The following TNS3 variants were observed in gnomAD, a reference collection of about 807,000 sequenced individuals.
TNS3 encodes tensin 3, also known as tensin-3.
Under a neutral mutation model 140.9 loss-of-function variants are expected in TNS3, and 45 were observed. The observed-to-expected ratio is 0.32, with a 90% CI of 0.25 to 0.41. The LOEUF (loss-of-function observed/expected upper bound fraction) is 0.41, where lower values mean the gene tolerates loss of function less well. Ranked by LOEUF, TNS3 falls within the 10% of genes least tolerant of loss-of-function variation. The pLI is 1.00. For missense variants in TNS3, 1,716 were observed against 1,906.7 expected, an observed-to-expected ratio of 0.90 and a Z score of 1.86; for synonymous variants, 815 against 788.4, an observed-to-expected ratio of 1.03 and a Z score of -0.56.
chr7:47,510,655 C>G (rs778957939), intron 2 of TNS3, among the ~76,000 whole-genome samples: 1 of 152,076 alleles, frequency 6.6e-6, no homozygotes, highest in African/African-American at 2.4e-5. Flanking sequence ...GGGCAGATCA[C>G]TTGAGGTCAG....
At chr7:47,555,929 A>C (rs189155629) in intron 1 of TNS3, among the ~76,000 whole-genome samples, 56 of 152,348 alleles carry the variant, frequency 3.7e-4, no homozygotes, top group African/African-American at 1.3e-3. Context: ...GTATCTCCAA[A>C]GTAAGCCTGC....
At chr7:47,342,112 G>C (rs1233118089) in intron 20 of TNS3, among the ~76,000 whole-genome samples, 1 of 152,102 alleles carries the variant, frequency 6.6e-6, no homozygotes, top group Non-Finnish European at 1.5e-5. Flanking sequence ...TCTGAAGATT[G>C]TTTCCTGGCC....
intron 4 of TNS3, chr7:47,470,582 C>T: frequency 2.0e-6 from 2 of 985,426 alleles, no homozygotes; most frequent in Non-Finnish European, 2.4e-6. Context: ...CCAGCCCTGA[C>T]CTGGCCCACC....
At chr7:47,417,707 AT>A (rs1010480459) in intron 10 of TNS3, among the ~76,000 whole-genome samples, 6 of 152,026 alleles carry the variant, frequency 3.9e-5, no homozygotes, top group African/African-American at 7.2e-5. Flanking sequence ...GGTAAATGTA[AT>A]TTTTTTTCTT....
chr7:47,478,413 C>CAT (rs1458053753), intron 4 of TNS3, among the ~76,000 whole-genome samples: 1 of 4,784 alleles, frequency 2.1e-4, no homozygotes, highest in East Asian at 0.5. Context: ...CAGGGAAATA[C>CAT]ACACACACAC....
intron 1 of TNS3, among the ~76,000 whole-genome samples, chr7:47,572,216 G>A (rs1472971041): frequency 1.3e-5 from 2 of 152,220 alleles, no homozygotes; most frequent in East Asian, 3.8e-4. Context: ...TTGGAGTAAG[G>A]CCATCCCTCC....
chr7:47,471,765 C>CT (rs1227076005), intron 4 of TNS3, among the ~76,000 whole-genome samples: 1 of 152,206 alleles, frequency 6.6e-6, no homozygotes, highest in Non-Finnish European at 1.5e-5. Context: ...CACTGGGTAC[C>CT]AGCTCCTCGC....
chr7:47,524,779 G>A (rs1024265757), intron 2 of TNS3, among the ~76,000 whole-genome samples: 207 of 131,814 alleles, frequency 1.6e-3, no homozygotes, highest in African/African-American at 4.9e-3. Flanking sequence ...TCCGCAGTCC[G>A]GCCTGGGCGA....
intron 17 of TNS3, among the ~76,000 whole-genome samples, chr7:47,352,328 TCA>T (rs747466113): frequency 5.9e-5 from 9 of 152,012 alleles, no homozygotes; most frequent in African/African-American, 1.5e-4. Context: ...TCTTGTACAC[TCA>T]CAGACAGCCT....
chr7:47,420,268 A>G (rs1794304134), intron 10 of TNS3, among the ~76,000 whole-genome samples: 1 of 152,176 alleles, frequency 6.6e-6, no homozygotes, highest in Non-Finnish European at 1.5e-5. Context: ...CGCACGCACT[A>G]GGAGAATGTG....
intron 5 of TNS3, among the ~76,000 whole-genome samples, chr7:47,440,825 CT>C (rs1399668224): frequency 6.6e-6 from 1 of 152,196 alleles, no homozygotes; most frequent in Non-Finnish European, 1.5e-5. Flanking sequence ...CTGCCACCAG[CT>C]TTGGGGTTTT....
intron 4 of TNS3, chr7:47,453,230 C>A: frequency 1.0e-6 from 1 of 985,384 alleles, no homozygotes; most frequent in Non-Finnish European, 1.2e-6. Context: ...GAGGGCCAGC[C>A]TGCCGAGGGC....
At chr7:47,486,562 T>C (rs950699394) in intron 3 of TNS3, among the ~76,000 whole-genome samples, 1 of 152,148 alleles carries the variant, frequency 6.6e-6, no homozygotes, top group African/African-American at 2.4e-5. Context: ...TTACCCCCAG[T>C]GCTAACAGAC....
chr7:47,557,471 C>T (rs761615345), intron 1 of TNS3, among the ~76,000 whole-genome samples: 14 of 152,034 alleles, frequency 9.2e-5, no homozygotes, highest in African/African-American at 2.7e-4. Context: ...CAATGTGGAA[C>T]GAAAAAAATG....
chr7:47,551,633 G>A (rs1800065614), intron 1 of TNS3, among the ~76,000 whole-genome samples: 3 of 152,190 alleles, frequency 2.0e-5, no homozygotes, highest in Non-Finnish European at 2.9e-5. Context: ...GAAAACATTC[G>A]CACTGCAGAC....
At chr7:47,287,032 G>A (rs1033294507) in intron 27 of TNS3, among the ~76,000 whole-genome samples, 23 of 151,740 alleles carry the variant, frequency 1.5e-4, no homozygotes, top group South Asian at 6.2e-4. Context: ...AGGGGCAACC[G>A]ATCTATGAGT....
At chr7:47,539,201 C>T (rs1321717323) in intron 1 of TNS3, 14 of 452,334 alleles carry the variant, frequency 3.1e-5, no homozygotes, top group Admixed American at 7.1e-5. Context: ...CCAGGAACAA[C>T]GGCCAGGAGC....
intron 4 of TNS3, among the ~76,000 whole-genome samples, chr7:47,461,493 A>G (rs1796487800): frequency 6.6e-6 from 1 of 152,172 alleles, no homozygotes; most frequent in Non-Finnish European, 1.5e-5. Flanking sequence ...GTGCAGAAGT[A>G]GGAACTAGAT....
chr7:47,497,686 C>CACACACACACAA (rs1483623072), intron 3 of TNS3, among the ~76,000 whole-genome samples: 1 of 138,962 alleles, frequency 7.2e-6, no homozygotes, highest in East Asian at 2.1e-4. Flanking sequence ...CACACACACA[C>CACACACACACAA]ACACACACAC....
Sources: allele counts gnomAD v4.1 joint callset (sites outside exome capture counted in the v4.1 genomes callset), GRCh38; gene constraint gnomAD v4.1.1; transcripts MANE v1.5; gene names NCBI Gene and HGNC (gene_info 2026-07-23, HGNC 2026-07-21).